The following CATSPERT variants were observed in gnomAD, a reference collection of about 807,000 sequenced individuals.
CATSPERT encodes cation channel sperm-associated targeting subunit tau.
At chr2:201,618,759 A>T in the CATSPERT span, 1 of 461,340 alleles carries the variant, frequency 2.2e-6, no homozygotes. Flanking sequence ...AACGAAAAAA[A>T]AAAGGATTAA....
the CATSPERT span, among the ~76,000 whole-genome samples, chr2:201,603,699 C>A: frequency 4.6e-5 from 7 of 152,202 alleles, no homozygotes; most frequent in Admixed American, 4.6e-4. Context: ...AGCAATGATT[C>A]ATTGGCTATA....
the CATSPERT span, among the ~76,000 whole-genome samples, chr2:201,507,107 T>C: frequency 2.6e-5 from 4 of 152,202 alleles, no homozygotes; most frequent in African/African-American, 9.7e-5. Context: ...ATGGATGACA[T>C]GATCACTTAT....
the CATSPERT span, chr2:201,492,055 A>G: frequency 2.6e-6 from 4 of 1,530,434 alleles, no homozygotes; most frequent in Middle Eastern, 1.7e-4. Context: ...TTCCTTAATT[A>G]AAGATGAATT....
chr2:201,500,633 A>C, the CATSPERT span, among the ~76,000 whole-genome samples: 12 of 152,142 alleles, frequency 7.9e-5, no homozygotes, highest in Non-Finnish European at 1.5e-4. Flanking sequence ...ATGCCTGGAG[A>C]TATAAAGTCC....
At chr2:201,571,490 A>T in the CATSPERT span, among the ~76,000 whole-genome samples, 198 of 152,326 alleles carry the variant, frequency 1.3e-3, no homozygotes, top group African/African-American at 4.6e-3. Context: ...TTGTTTTACC[A>T]TAGACTTTTT....
the CATSPERT span, among the ~76,000 whole-genome samples, chr2:201,563,378 C>A: frequency 7.4e-6 from 1 of 134,274 alleles, no homozygotes; most frequent in Non-Finnish European, 1.6e-5. Context: ...TTGACCCCCC[C>A]ACCTCCCTCC....
At chr2:201,582,362 T>C in the CATSPERT span, 2 of 794,548 alleles carry the variant, frequency 2.5e-6, no homozygotes, top group East Asian at 3.4e-5. Flanking sequence ...ATAAATATTA[T>C]TTGCATACCT....
chr2:201,512,023 G>C, the CATSPERT span, among the ~76,000 whole-genome samples: 1,375 of 152,024 alleles, frequency 9.0e-3, 25 homozygotes, highest in African/African-American at 0.032. Flanking sequence ...TGTTGCCCTA[G>C]GTGATAGATT....
At chr2:201,590,038 G>A in the CATSPERT span, among the ~76,000 whole-genome samples, 1 of 151,680 alleles carries the variant, frequency 6.6e-6, no homozygotes, top group South Asian at 2.1e-4. Context: ...ACAATGTGCA[G>A]GTTAGTTACA....
At chr2:201,575,330 G>GAA in the CATSPERT span, 2 of 1,560,536 alleles carry the variant, frequency 1.3e-6, no homozygotes, top group South Asian at 1.2e-5. Context: ...ACCCTTTCTA[G>GAA]AAAAAAAAAT....
At chr2:201,536,027 T>G in the CATSPERT span, 1 of 1,613,044 alleles carries the variant, frequency 6.2e-7, no homozygotes. Flanking sequence ...TTACCTCTGA[T>G]AGAGATGAGT....
the CATSPERT span, among the ~76,000 whole-genome samples, chr2:201,581,548 G>GTATA: frequency 0.014 from 138 of 9,616 alleles, 3 homozygotes; most frequent in Non-Finnish European, 0.019. Context: ...AAAAATGTGT[G>GTATA]TATATATATA....
At chr2:201,602,224 A>C in the CATSPERT span, among the ~76,000 whole-genome samples, 17 of 152,170 alleles carry the variant, frequency 1.1e-4, no homozygotes, top group African/African-American at 3.9e-4. Flanking sequence ...AGAAATTCAA[A>C]ATATTTAAAA....
the CATSPERT span, among the ~76,000 whole-genome samples, chr2:201,548,648 G>A: frequency 6.6e-6 from 1 of 151,948 alleles, no homozygotes; most frequent in African/African-American, 2.4e-5. Context: ...TAATTAACAA[G>A]GATTAAATGG....
chr2:201,553,677 G>A, the CATSPERT span: 2 of 152,094 alleles, frequency 1.3e-5, no homozygotes, highest in Admixed American at 6.6e-5. Flanking sequence ...TTCAGTCTAA[G>A]CTGGAAAATA....
chr2:201,525,314 C>A, the CATSPERT span, among the ~76,000 whole-genome samples: 1 of 152,098 alleles, frequency 6.6e-6, no homozygotes, highest in Non-Finnish European at 1.5e-5. Flanking sequence ...TTGCTCAAAG[C>A]CATATAATCA....
the CATSPERT span, among the ~76,000 whole-genome samples, chr2:201,596,400 G>C: frequency 6.6e-6 from 1 of 152,088 alleles, no homozygotes; most frequent in Admixed American, 6.5e-5. Context: ...ACATAGAGGG[G>C]AACAATACAC....
the CATSPERT span, among the ~76,000 whole-genome samples, chr2:201,618,252 G>A: frequency 5.9e-5 from 9 of 152,220 alleles, no homozygotes; most frequent in East Asian, 1.9e-4. Flanking sequence ...ATAAAGTCAC[G>A]TGCACACATA....
chr2:201,586,380 T>A, the CATSPERT span, among the ~76,000 whole-genome samples: 5 of 152,064 alleles, frequency 3.3e-5, no homozygotes, highest in East Asian at 9.7e-4. Flanking sequence ...AAATAATCCA[T>A]GGTTCAATTG....
Sources: gnomAD v4.1 joint callset for allele counts (sites outside exome capture counted in the v4.1 genomes callset) on GRCh38, gnomAD v4.1.1 for gene constraint, MANE v1.5 for transcripts, NCBI Gene and HGNC (gene_info 2026-07-23, HGNC 2026-07-21) for gene names.